RFX3: variants seen among roughly 807,000 people sequenced by gnomAD.
The protein encoded by RFX3 is transcription factor RFX3.
Under a neutral mutation model 98.6 loss-of-function variants are expected in RFX3, and 14 were observed. The observed-to-expected ratio is 0.14, with a 90% CI of 0.09 to 0.22. The LOEUF (loss-of-function observed/expected upper bound fraction) is 0.22. RFX3 is among the 10% of genes least tolerant of loss of function. The probability of loss-of-function intolerance (pLI) is 1.00; values close to 1 mark genes in which losing one functional copy is unlikely to be tolerated. For synonymous variants in RFX3, 383 were observed against 328.4 expected (o/e 1.17, Z -1.80); for missense variants, 639 against 926.9 (o/e 0.69, Z 4.03).
At chr9:3,368,302 A>C (rs906049667) in intron 2 of RFX3, among the ~76,000 whole-genome samples, 8 of 152,204 alleles carry the variant, frequency 5.3e-5, no homozygotes, top group Non-Finnish European at 1.0e-4. Context: ...AAATAAAATA[A>C]GCTTCACTTT....
At chr9:3,522,287 G>A (rs1331570787) in intron 1 of RFX3, among the ~76,000 whole-genome samples, 1 of 152,256 alleles carries the variant, frequency 6.6e-6, no homozygotes, top group Admixed American at 6.5e-5. Context: ...GAATAGAGAG[G>A]AATTTAAAAC....
chr9:3,473,963 C>G (rs1848995730), intron 1 of RFX3, among the ~76,000 whole-genome samples: 1 of 152,060 alleles, frequency 6.6e-6, no homozygotes, highest in Non-Finnish European at 1.5e-5. Flanking sequence ...GAAAATGTAG[C>G]ATGGAAGCCA....
At chr9:3,522,601 A>ACACACC (rs1818833588) in intron 1 of RFX3, among the ~76,000 whole-genome samples, 7 of 151,588 alleles carry the variant, frequency 4.6e-5, no homozygotes, top group Admixed American at 1.3e-4. Context: ...CTTTTGCCAC[A>ACACACC]CATCTGCTGC....
chr9:3,519,684 C>T (rs1427362969), intron 1 of RFX3, among the ~76,000 whole-genome samples: 1 of 152,154 alleles, frequency 6.6e-6, no homozygotes, highest in Non-Finnish European at 1.5e-5. Context: ...TATCTGAAAT[C>T]TGACTCCAAA....
chr9:3,321,419 T>A (rs534865140), intron 4 of RFX3, among the ~76,000 whole-genome samples: 1 of 152,308 alleles, frequency 6.6e-6, no homozygotes, highest in East Asian at 1.9e-4. Context: ...AGTACCTATT[T>A]CCTTGCACAC....
At chr9:3,437,374 G>A (rs1354799458) in intron 1 of RFX3, among the ~76,000 whole-genome samples, 6 of 152,084 alleles carry the variant, frequency 3.9e-5, no homozygotes, top group Admixed American at 3.9e-4. Flanking sequence ...GAAAGCACCT[G>A]CATTTAATGG....
intron 1 of RFX3, among the ~76,000 whole-genome samples, chr9:3,398,442 G>A (rs906338102): frequency 6.6e-6 from 1 of 152,130 alleles, no homozygotes; most frequent in African/African-American, 2.4e-5. Flanking sequence ...ATTAGTAAGA[G>A]TGAGGCAATG....
At chr9:3,258,966 T>G (rs1317875334) in intron 13 of RFX3, among the ~76,000 whole-genome samples, 1 of 151,960 alleles carries the variant, frequency 6.6e-6, no homozygotes, top group Non-Finnish European at 1.5e-5. Context: ...TATTAGATAT[T>G]CTGCTTAGTT....
intron 3 of RFX3, among the ~76,000 whole-genome samples, chr9:3,342,095 T>C (rs1348012698): frequency 6.6e-6 from 1 of 152,214 alleles, no homozygotes; most frequent in African/African-American, 2.4e-5. Flanking sequence ...CATTAATACA[T>C]GATTTTCAAG....
chr9:3,240,885 C>T (rs1030450489), intron 15 of RFX3, among the ~76,000 whole-genome samples: 1 of 152,166 alleles, frequency 6.6e-6, no homozygotes, highest in Non-Finnish European at 1.5e-5. Context: ...GTCATGCTTA[C>T]TCTATGCCAG....
At position 3,492,566 on chromosome 9, in the gene RFX3, C is replaced by T. The variant is rs1449718984; in HGVS notation, c.-9+33181G>A. On this transcript the variant is annotated intron_variant, in intron 1 of 16. Coordinates refer to ENST00000617270, the MANE Select transcript of RFX3 (RefSeq NM_001282116.2). The stretch of plus-strand genomic sequence containing the variant: ...ATACTCCTCATGACAGATGGAGATT[C>T]AGGCATACTCAACTCTACGCCTACA... Among the ~76,000 whole-genome samples the T allele has an allele frequency of 2.0e-5, 3 of 152,182 alleles. No homozygotes were observed. The East Asian group carries it at 5.8e-4, about 29-fold the overall frequency.
intron 4 of RFX3, among the ~76,000 whole-genome samples, chr9:3,309,558 C>A (rs888136169): frequency 6.7e-6 from 1 of 150,200 alleles, no homozygotes; most frequent in Non-Finnish European, 1.5e-5. Flanking sequence ...AAGTCTTAAC[C>A]TAAGCCAGGG....
chr9:3,262,663 T>A (rs1229358420), intron 13 of RFX3, among the ~76,000 whole-genome samples: 1 of 152,226 alleles, frequency 6.6e-6, no homozygotes, highest in Non-Finnish European at 1.5e-5. Context: ...CTAACTTCAA[T>A]GACTGTGACC....
intron 15 of RFX3, among the ~76,000 whole-genome samples, chr9:3,242,350 T>C (rs998485284): frequency 9.2e-5 from 14 of 151,848 alleles, no homozygotes; most frequent in Admixed American, 5.9e-4. Context: ...CAATCAACAG[T>C]ATAATTTTTG....
chr9:3,480,576 C>T (rs960049264), intron 1 of RFX3, among the ~76,000 whole-genome samples: 1 of 152,144 alleles, frequency 6.6e-6, no homozygotes, highest in Non-Finnish European at 1.5e-5. Flanking sequence ...GGAATGGACA[C>T]AACCACAAGA....
At position 3,224,816 on chromosome 9, in the gene RFX3, T is replaced by A; in HGVS notation, c.*226A>T. 2.3e-6 allele frequency: 1 copy of A among 427,016 alleles called. No homozygotes were observed. The highest frequency in any genetic ancestry group is 4.1e-6 in the Non-Finnish European group (1 of 242,450). 26.5% of individuals were successfully genotyped at this position (427,016 alleles called of 1,614,324 possible). A position where few individuals can be genotyped will look rare whatever the true frequency, so the allele number is the denominator to read the frequency against. On this transcript the variant is annotated 3_prime_UTR_variant, in exon 17 of 17. Coordinates refer to ENST00000617270, the MANE Select transcript of RFX3 (RefSeq NM_001282116.2). ...TGTTGTAAAAATCCTTCTTGACACC[T>A]GAAACTAAGGGAAAAAATTCATTAT...
intron 4 of RFX3, among the ~76,000 whole-genome samples, chr9:3,323,763 C>G (rs1831571951): frequency 6.6e-6 from 1 of 152,132 alleles, no homozygotes; most frequent in Non-Finnish European, 1.5e-5. Context: ...AATTCACTGG[C>G]TATGCTCAGG....
At chr9:3,290,724 C>T (rs780733862) in intron 6 of RFX3, among the ~76,000 whole-genome samples, 131 of 152,274 alleles carry the variant, frequency 8.6e-4, no homozygotes, top group Non-Finnish European at 1.5e-3. Flanking sequence ...GCTAAACCTT[C>T]AGCAATCCAA....
intron 7 of RFX3, among the ~76,000 whole-genome samples, chr9:3,281,312 A>G (rs754059920): frequency 6.6e-6 from 1 of 151,530 alleles, no homozygotes; most frequent in African/African-American, 2.4e-5. Context: ...CAAATCTACC[A>G]TATCAGGAGA....
Sources: gnomAD v4.1 joint callset for allele counts (sites outside exome capture counted in the v4.1 genomes callset) on GRCh38, gnomAD v4.1.1 for gene constraint, MANE v1.5 for transcripts, NCBI Gene and HGNC (gene_info 2026-07-23, HGNC 2026-07-21) for gene names.